Variants in NCALD observed in about 807,000 individuals in gnomAD.
NCALD encodes the protein neurocalcin-delta.
In NCALD, 10 loss-of-function variants were observed where a neutral mutation model predicts 18.6. That is an observed-to-expected ratio of 0.54 (90% CI 0.33 to 0.91). The LOEUF (loss-of-function observed/expected upper bound fraction) is 0.91, where lower values mean the gene tolerates loss of function less well. Ranked by LOEUF, NCALD falls within the 40% of genes least tolerant of loss-of-function variation. The pLI, the probability that NCALD is intolerant of heterozygous loss-of-function variation, is 0.03. For synonymous variants in NCALD, 88 were observed against 87.4 expected (o/e 1.01, Z -0.04); for missense variants, 184 against 247.6 (o/e 0.74, Z 1.72).
chr8:102,076,225 CTT>C (rs1457805887), intron 1 of NCALD, among the ~76,000 whole-genome samples: 2 of 151,978 alleles, frequency 1.3e-5, no homozygotes, highest in Non-Finnish European at 2.9e-5. Context: ...GATTTTCCCT[CTT>C]TCTTTTCTCA....
At chr8:102,076,441 G>A (rs1049608089) in intron 1 of NCALD, among the ~76,000 whole-genome samples, 10 of 152,124 alleles carry the variant, frequency 6.6e-5, no homozygotes, top group African/African-American at 2.2e-4. Flanking sequence ...AAAGCCAAGA[G>A]GTTGGGAACA....
chr8:101,739,772 A>G (rs960280581), intron 1 of NCALD, among the ~76,000 whole-genome samples: 1 of 152,070 alleles, frequency 6.6e-6, no homozygotes, highest in Non-Finnish European at 1.5e-5. Context: ...CCTACTTTTG[A>G]GGTTTTAGGG....
At chr8:101,911,161 T>G (rs1322985535) in intron 3 of NCALD, among the ~76,000 whole-genome samples, 1 of 151,994 alleles carries the variant, frequency 6.6e-6, no homozygotes, top group Non-Finnish European at 1.5e-5. Context: ...GTTCTCACAA[T>G]GCTGAATAAC....
intron 1 of NCALD, among the ~76,000 whole-genome samples, chr8:101,732,845 C>T (rs755901726): frequency 3.3e-5 from 5 of 152,160 alleles, no homozygotes; most frequent in African/African-American, 4.8e-5. Context: ...CTCAAGTGAT[C>T]TGCCTGCTCC....
chr8:101,796,349 C>T (rs369928267), intron 4 of NCALD, among the ~76,000 whole-genome samples: 2 of 152,096 alleles, frequency 1.3e-5, no homozygotes, highest in African/African-American at 4.8e-5. Context: ...ACCACAATCT[C>T]TGAGGAAAAA....
intron 1 of NCALD, among the ~76,000 whole-genome samples, chr8:102,093,086 G>A (rs1228758674): frequency 6.6e-6 from 1 of 151,936 alleles, no homozygotes; most frequent in Non-Finnish European, 1.5e-5. Flanking sequence ...TGAGCCCAGT[G>A]AGGTTGAGGC....
intron 2 of NCALD, among the ~76,000 whole-genome samples, chr8:101,965,191 T>C (rs1819976556): frequency 6.6e-6 from 1 of 152,228 alleles, no homozygotes; most frequent in Non-Finnish European, 1.5e-5. Context: ...TCAACCATTG[T>C]GGAAGACAGT....
chr8:101,780,453 T>C (rs1811964934), intron 1 of NCALD, among the ~76,000 whole-genome samples: 1 of 152,152 alleles, frequency 6.6e-6, no homozygotes, highest in South Asian at 2.1e-4. Flanking sequence ...TTAACAGATA[T>C]TTTATTAGTT....
intron 1 of NCALD, among the ~76,000 whole-genome samples, chr8:101,763,620 T>C (rs1466520491): frequency 6.6e-6 from 1 of 152,130 alleles, no homozygotes; most frequent in Non-Finnish European, 1.5e-5. Flanking sequence ...GAGATTACCA[T>C]TTGAGTCAGC....
intron 1 of NCALD, among the ~76,000 whole-genome samples, chr8:102,036,946 G>C (rs1169986876): frequency 6.6e-6 from 1 of 152,088 alleles, no homozygotes; most frequent in Non-Finnish European, 1.5e-5. Flanking sequence ...TTTTGATCCA[G>C]AGGCTTTATT....
chr8:101,707,362 T>C (rs1018688700), intron 2 of NCALD, among the ~76,000 whole-genome samples: 1 of 152,078 alleles, frequency 6.6e-6, no homozygotes, highest in Non-Finnish European at 1.5e-5. Context: ...TGGAAATGAG[T>C]GTGGATTAGT....
chr8:101,812,012 C>T (rs553283946), intron 4 of NCALD, among the ~76,000 whole-genome samples: 3 of 152,280 alleles, frequency 2.0e-5, no homozygotes, highest in African/African-American at 7.2e-5. Flanking sequence ...AAGATTTGTT[C>T]TCAGAATGGA....
At chr8:101,778,047 T>C (rs1811864815) in intron 1 of NCALD, among the ~76,000 whole-genome samples, 1 of 152,194 alleles carries the variant, frequency 6.6e-6, no homozygotes, top group Non-Finnish European at 1.5e-5. Flanking sequence ...GTTTTCCATC[T>C]CTTTCTACTC....
At chr8:101,862,180 T>C (rs193233071) in intron 4 of NCALD, among the ~76,000 whole-genome samples, 13 of 152,304 alleles carry the variant, frequency 8.5e-5, no homozygotes, top group Admixed American at 3.3e-4. Flanking sequence ...AAACAAAGGA[T>C]TGACTTTCAC....
chr8:101,917,549 T>A (rs1016632189), intron 2 of NCALD, among the ~76,000 whole-genome samples: 12 of 151,974 alleles, frequency 7.9e-5, no homozygotes, highest in African/African-American at 2.7e-4. Flanking sequence ...TAAAAGTTGG[T>A]TCTTTGAAAG....
chr8:101,879,763 G>C (rs1371718616), intron 4 of NCALD, among the ~76,000 whole-genome samples: 1 of 152,178 alleles, frequency 6.6e-6, no homozygotes, highest in African/African-American at 2.4e-5. Flanking sequence ...AGTTTTCCAA[G>C]TCCCCACTAG....
intron 1 of NCALD, among the ~76,000 whole-genome samples, chr8:101,755,187 C>T (rs1465514815): frequency 6.6e-6 from 1 of 152,226 alleles, no homozygotes; most frequent in Non-Finnish European, 1.5e-5. Context: ...GCACTGTTCA[C>T]AGTTAAAGTC....
intron 4 of NCALD, among the ~76,000 whole-genome samples, chr8:101,871,585 T>C (rs1213071621): frequency 1.1e-5 from 1 of 87,922 alleles, no homozygotes; most frequent in Non-Finnish European, 2.4e-5. Flanking sequence ...CAGATTTTCT[T>C]TTTTTTTTTT....
chr8:102,089,633 G>A (rs1427799656), intron 1 of NCALD, among the ~76,000 whole-genome samples: 4 of 152,096 alleles, frequency 2.6e-5, no homozygotes, highest in African/African-American at 9.6e-5. Flanking sequence ...AGTTTTACAT[G>A]GAAGGTGTGT....
Sources: gnomAD v4.1 joint callset for allele counts (sites outside exome capture counted in the v4.1 genomes callset) on GRCh38, gnomAD v4.1.1 for gene constraint, MANE v1.5 for transcripts, NCBI Gene and HGNC (gene_info 2026-07-23, HGNC 2026-07-21) for gene names.